SCD5: variants seen among roughly 807,000 people sequenced by gnomAD.
SCD5 encodes acyl-CoA-desaturase 4.
SCD5 carries 20 observed loss-of-function variants against 30.4 expected under a neutral mutation model. That is an observed-to-expected ratio of 0.66 (90% CI 0.46 to 0.96). The LOEUF is 0.96. SCD5 is among the 40% of genes least tolerant of loss of function. The pLI is 0.00. For synonymous variants in SCD5, 173 were observed against 176.4 expected (o/e 0.98, Z 0.16); for missense variants, 381 against 443.3 (o/e 0.86, Z 1.26).
At chr4:82,685,465 C>T (rs1024684958) in intron 2 of SCD5, among the ~76,000 whole-genome samples, 8 of 152,118 alleles carry the variant, frequency 5.3e-5, no homozygotes, top group Non-Finnish European at 1.5e-5. Flanking sequence ...GTAATCCCAG[C>T]ACTTTGAGAG....
intron 3 of SCD5, among the ~76,000 whole-genome samples, chr4:82,640,916 T>C (rs17005941): frequency 0.043 from 6,482 of 152,264 alleles, 183 homozygotes; most frequent in South Asian, 0.092. Context: ...TGCCCTGTCT[T>C]TTTGCTAAAT....
rs1470764658 is a variant in SCD5, at chr4:82,645,668, T to C, written c.570-8845A>G. Reference sequence around the variant, plus strand: ...CCATTTTTACACAATCAAATGCCATTGCACACAACAGCGCCCCAATCCAAG... The same window carrying C: ...CCATTTTTACACAATCAAATGCCATCGCACACAACAGCGCCCCAATCCAAG... On this transcript the variant is annotated intron_variant, in intron 3 of 4. Coordinates refer to ENST00000319540, the MANE Select transcript of SCD5 (RefSeq NM_001037582.3). 2.6e-5 allele frequency among the ~76,000 whole-genome samples: 4 copies of C among 152,312 alleles called. No individual in the cohort carries two copies. The East Asian group carries it at 7.7e-4, about 29-fold the overall frequency.
At chr4:82,639,095 T>A (rs1249606765) in intron 3 of SCD5, among the ~76,000 whole-genome samples, 2 of 152,250 alleles carry the variant, frequency 1.3e-5, no homozygotes, top group South Asian at 2.1e-4. Context: ...CTTTGCAGAC[T>A]GCTAGCTGTG....
rs112517808 is a variant in SCD5 at position 82,701,153 on chromosome 4, G to A, written c.363+4130C>T. Among the ~76,000 whole-genome samples, 563 of 152,310 alleles carry A rather than the reference G, an allele frequency of 3.7e-3. 6 individuals are homozygous for A. Among genetic ancestry groups the A allele is most frequent in the African/African-American group, 0.013 (534 of 41,564 alleles). On this transcript the variant is annotated intron_variant, in intron 2 of 4. Coordinates refer to ENST00000319540, the MANE Select transcript of SCD5 (RefSeq NM_001037582.3). ...GTGCTACTGCAGGTACTATTATGAA[G>A]TGGTACAGTGTTATTTGAAAGTGGG...
chr4:82,746,990 C>T (rs559444594), intron 1 of SCD5, among the ~76,000 whole-genome samples: 64 of 151,652 alleles, frequency 4.2e-4, no homozygotes, highest in Non-Finnish European at 1.0e-4. Context: ...AACACACCCA[C>T]AGACCAGCAA....
At chr4:82,643,558 G>A (rs1385582757) in intron 3 of SCD5, among the ~76,000 whole-genome samples, 1 of 152,214 alleles carries the variant, frequency 6.6e-6, no homozygotes, top group Non-Finnish European at 1.5e-5. Context: ...ATTACCAGGA[G>A]CTGGGGGTGA....
intron 1 of SCD5, among the ~76,000 whole-genome samples, chr4:82,761,793 AT>A (rs1721376644): frequency 6.8e-6 from 1 of 147,090 alleles, no homozygotes; most frequent in African/African-American, 2.5e-5. Flanking sequence ...ATGTGATCTC[AT>A]TGTTCAATTC....
At chr4:82,779,879 T>C (rs1195388454) in intron 1 of SCD5, among the ~76,000 whole-genome samples, 2 of 152,200 alleles carry the variant, frequency 1.3e-5, no homozygotes, top group Non-Finnish European at 2.9e-5. Context: ...TCAAACACAA[T>C]ATGACTATTC....
chr4:82,642,059 C>G (rs1023410191), intron 3 of SCD5, among the ~76,000 whole-genome samples: 1 of 151,886 alleles, frequency 6.6e-6, no homozygotes, highest in East Asian at 1.9e-4. Context: ...GAGATGGGGA[C>G]GGGAGTAGAA....
At chr4:82,708,833 C>T (rs554846947) in intron 1 of SCD5, among the ~76,000 whole-genome samples, 2 of 152,164 alleles carry the variant, frequency 1.3e-5, no homozygotes, top group African/African-American at 2.4e-5. Context: ...CCTGAGTGCT[C>T]GACAGAAGGA....
chr4:82,653,916 G>GT (rs1163457743), intron 3 of SCD5, among the ~76,000 whole-genome samples: 2 of 134,896 alleles, frequency 1.5e-5, no homozygotes, highest in African/African-American at 5.8e-5. Flanking sequence ...GAGTCAATGA[G>GT]TATTTTTTTT....
At chr4:82,760,523 G>A (rs1721341011) in intron 1 of SCD5, among the ~76,000 whole-genome samples, 1 of 152,076 alleles carries the variant, frequency 6.6e-6, no homozygotes, top group Non-Finnish European at 1.5e-5. Context: ...AGCCTCCCGA[G>A]TAGCTGGTTC....
intron 2 of SCD5, among the ~76,000 whole-genome samples, chr4:82,681,897 T>G (rs535926226): frequency 6.6e-6 from 1 of 152,278 alleles, no homozygotes; most frequent in Admixed American, 6.5e-5. Context: ...CTCTCCTCAC[T>G]TTGGTGTTCT....
chr4:82,728,670 C>T (rs1445206338), intron 1 of SCD5, among the ~76,000 whole-genome samples: 3 of 152,170 alleles, frequency 2.0e-5, no homozygotes, highest in Non-Finnish European at 2.9e-5. Flanking sequence ...CCTGTGATTT[C>T]ATCCTTAACC....
At chr4:82,768,448 G>A (rs1721539497) in intron 1 of SCD5, among the ~76,000 whole-genome samples, 1 of 152,110 alleles carries the variant, frequency 6.6e-6, no homozygotes, top group African/African-American at 2.4e-5. Flanking sequence ...CCAAAAATTA[G>A]GAAGAATAAG....
chr4:82,740,706 T>C (rs1235580719), intron 1 of SCD5, among the ~76,000 whole-genome samples: 1 of 152,204 alleles, frequency 6.6e-6, no homozygotes, highest in African/African-American at 2.4e-5. Context: ...CTTTCTCTCC[T>C]CCCTCCTCTC....
intron 3 of SCD5, among the ~76,000 whole-genome samples, chr4:82,662,809 G>A (rs1209051621): frequency 7.0e-6 from 1 of 143,662 alleles, no homozygotes; most frequent in Non-Finnish European, 1.5e-5. Context: ...GCAGTGAGCC[G>A]AGACCACGCC....
chr4:82,665,231 C>CAAAA (rs35422547), intron 3 of SCD5, among the ~76,000 whole-genome samples: 2 of 72,152 alleles, frequency 2.8e-5, no homozygotes, highest in Admixed American at 1.6e-4. Flanking sequence ...GACCCTGTCT[C>CAAAA]AAAAAAAAAA....
chr4:82,733,929 T>C (rs1469670869), intron 1 of SCD5, among the ~76,000 whole-genome samples: 1 of 152,118 alleles, frequency 6.6e-6, no homozygotes, highest in Non-Finnish European at 1.5e-5. Flanking sequence ...CAAATCAGGG[T>C]GAGACCTACA....
Sources: gnomAD v4.1 joint callset for allele counts (sites outside exome capture counted in the v4.1 genomes callset) on GRCh38, gnomAD v4.1.1 for gene constraint, MANE v1.5 for transcripts, NCBI Gene and HGNC (gene_info 2026-07-23, HGNC 2026-07-21) for gene names.